B3GLCT: variants seen among roughly 807,000 people sequenced by gnomAD.
The protein encoded by B3GLCT is beta 3-glucosyltransferase, also known as beta-1,3-glucosyltransferase.
B3GLCT carries 65 observed loss-of-function variants against 63.4 expected under a neutral mutation model. The observed-to-expected ratio is 1.03, with a 90% CI of 0.84 to 1.26. The LOEUF is 1.26. Among genes scored for constraint, B3GLCT ranks in the 50% most tolerant of loss-of-function variants. The probability of loss-of-function intolerance (pLI) is 0.00; values close to 1 mark genes in which losing one functional copy is unlikely to be tolerated. For synonymous variants in B3GLCT, 233 were observed against 219.2 expected (o/e 1.06, Z -0.55); for missense variants, 577 against 604.8 (o/e 0.95, Z 0.48).
intron 6 of B3GLCT, chr13:31,260,445 G>T (rs9564839): frequency 0.37 from 57,219 of 153,818 alleles, 11,375 homozygotes; most frequent in East Asian, 0.71. Flanking sequence ...GAAGTTATTT[G>T]ATTTACTTTC....
intron 3 of B3GLCT, among the ~76,000 whole-genome samples, chr13:31,223,482 A>G (rs956931607): frequency 3.3e-5 from 5 of 152,182 alleles, no homozygotes; most frequent in African/African-American, 9.7e-5. Context: ...TGTCCCGAGC[A>G]TCCTGGCCTG....
intron 6 of B3GLCT, 31 bp from the exon 7 acceptor site, chr13:31,260,915 T>C (rs763939190): frequency 2.9e-5 from 46 of 1,602,566 alleles, no homozygotes; most frequent in Non-Finnish European, 3.5e-5. Flanking sequence ...TGATTGTTTT[T>C]AAAGTGACAT....
chr13:31,319,046 A>G lies in B3GLCT; in HGVS notation c.1184+1361A>G, dbSNP rs150070900. Among the ~76,000 whole-genome samples the G allele has an allele frequency of 1.6e-3, 250 of 152,214 alleles. 6 individuals carry two copies. In the Middle Eastern group the frequency reaches 0.024, roughly 14 times the overall value. ...TCCCAGTTGGTTGTTTATTCGTTCA[A>G]CTGGCCTTGTGTGGGCCAGGCACAG... is the stretch of plus-strand genomic sequence containing the variant. On this transcript the variant is annotated intron_variant, in intron 13 of 14. Transcript: ENST00000343307.
chr13:31,311,764 G>C (rs1403336964), intron 12 of B3GLCT: 1 of 152,110 alleles, frequency 6.6e-6, no homozygotes, highest in East Asian at 1.9e-4. Flanking sequence ...AGCCACAAAA[G>C]CCATGAGCTA....
chr13:31,314,908 G>C (rs1874916387), intron 12 of B3GLCT, among the ~76,000 whole-genome samples: 1 of 152,174 alleles, frequency 6.6e-6, no homozygotes, highest in African/African-American at 2.4e-5. Context: ...TTCCCGTGCT[G>C]TTCTCATGAT....
At chr13:31,329,107 C>T (rs1400085419) in intron 14 of B3GLCT, among the ~76,000 whole-genome samples, 1 of 152,162 alleles carries the variant, frequency 6.6e-6, no homozygotes, top group Non-Finnish European at 1.5e-5. Context: ...GTCCCAGCCC[C>T]CCACAACAAA....
At chr13:31,276,809 TC>T in intron 10 of B3GLCT, 38 bp downstream of exon 10, 1 of 1,404,460 alleles carries the variant, frequency 7.1e-7, no homozygotes, top group East Asian at 2.3e-5. Context: ...AACGCTAAAA[TC>T]CAGACTACCT....
chr13:31,237,422 C>T (rs1445184657), intron 4 of B3GLCT, among the ~76,000 whole-genome samples: 2 of 146,246 alleles, frequency 1.4e-5, no homozygotes, highest in African/African-American at 2.5e-5. Context: ...GGTGCGATCT[C>T]AGCTCACTGC....
chr13:31,309,028 G>A (rs115075721), intron 12 of B3GLCT, among the ~76,000 whole-genome samples: 284 of 152,160 alleles, frequency 1.9e-3, no homozygotes, highest in African/African-American at 6.3e-3. Context: ...TTATGCATCC[G>A]GTGAACCAAT....
At chr13:31,329,151 A>G (rs1038998592) in intron 14 of B3GLCT, among the ~76,000 whole-genome samples, 2 of 152,228 alleles carry the variant, frequency 1.3e-5, no homozygotes, top group Non-Finnish European at 2.9e-5. Flanking sequence ...TACCTGGAAC[A>G]TAACAGTTTT....
rs116648739 is a variant in B3GLCT, at chr13:31,322,841, G to A, written c.1185-910G>A. 5.5e-3 allele frequency among the ~76,000 whole-genome samples: 838 copies of A among 152,090 alleles called. 12 individuals carry two copies. The highest frequency in any genetic ancestry group is 0.019 in the African/African-American group (804 of 41,502). The stretch of plus-strand genomic sequence containing the variant: ...ATCTTCTCATGTGTGCTCTTTTCCC[G>A]GAGTCAGTAGCTTGAGCCCAACGTG... On this transcript the variant is annotated intron_variant, in intron 13 of 14. Coordinates refer to ENST00000343307, the MANE Select transcript of B3GLCT (RefSeq NM_194318.4).
chr13:31,274,003 G>A (rs1391085410), intron 8 of B3GLCT, among the ~76,000 whole-genome samples: 1 of 152,154 alleles, frequency 6.6e-6, no homozygotes, highest in Admixed American at 6.5e-5. Context: ...ACCTACTAGG[G>A]AAAACTACCC....
chr13:31,255,037 CA>C (rs59957215), intron 6 of B3GLCT, among the ~76,000 whole-genome samples: 57,092 of 130,502 alleles, frequency 0.44, 11,888 homozygotes, highest in East Asian at 0.77. Context: ...GACGCTGTCT[CA>C]AAAAAAAAAA....
At chr13:31,258,986 G>C (rs1160074149) in intron 6 of B3GLCT, among the ~76,000 whole-genome samples, 1 of 151,264 alleles carries the variant, frequency 6.6e-6, no homozygotes, top group Non-Finnish European at 1.5e-5. Context: ...TCTTATATCA[G>C]TCTGGATATT....
intron 14 of B3GLCT, among the ~76,000 whole-genome samples, chr13:31,324,369 A>G (rs1476665558): frequency 1.3e-5 from 2 of 152,168 alleles, no homozygotes; most frequent in African/African-American, 4.8e-5. Context: ...GCTAAAATCT[A>G]TTAAGTTGCA....
At chr13:31,239,569 T>A (rs1870827002) in intron 4 of B3GLCT, among the ~76,000 whole-genome samples, 9 of 152,188 alleles carry the variant, frequency 5.9e-5, no homozygotes, top group Admixed American at 5.9e-4. Context: ...TAAAAATTCT[T>A]ATATTAAATA....
intron 14 of B3GLCT, among the ~76,000 whole-genome samples, chr13:31,326,514 C>G (rs1481028502): frequency 1.3e-5 from 2 of 152,042 alleles, no homozygotes; most frequent in Admixed American, 1.3e-4. Flanking sequence ...ATCTCCTGAC[C>G]TTGTGATCCA....
chr13:31,236,367 T>G (rs558184293), intron 4 of B3GLCT, among the ~76,000 whole-genome samples: 3 of 152,238 alleles, frequency 2.0e-5, no homozygotes, highest in Non-Finnish European at 4.4e-5. Context: ...GTTTTCTGTT[T>G]AGACAGCCTG....
At chr13:31,272,428 G>T (rs1392124696) in intron 8 of B3GLCT, among the ~76,000 whole-genome samples, 2 of 151,876 alleles carry the variant, frequency 1.3e-5, no homozygotes, top group Non-Finnish European at 2.9e-5. Context: ...ATCTTGGCCA[G>T]GCTGGTCTTG....
Sources: gnomAD v4.1 joint callset for allele counts (sites outside exome capture counted in the v4.1 genomes callset) on GRCh38, gnomAD v4.1.1 for gene constraint, MANE v1.5 for transcripts, NCBI Gene and HGNC (gene_info 2026-07-23, HGNC 2026-07-21) for gene names.